The following ATP6V0E1 variants were observed in gnomAD, a reference collection of about 807,000 sequenced individuals.
ATP6V0E1 encodes the protein ATPase H+ transporting V0 subunit e1.
ATP6V0E1 carries 4 observed loss-of-function variants against 11.6 expected under a neutral mutation model. That is an observed-to-expected ratio of 0.35 (90% confidence interval 0.17 to 0.79). ATP6V0E1 has a LOEUF of 0.79. Ranked by LOEUF, ATP6V0E1 falls within the 30% of genes least tolerant of loss-of-function variation. ATP6V0E1 has a pLI of 0.54. For synonymous variants in ATP6V0E1, 36 were observed against 34.8 expected, an observed-to-expected ratio of 1.04 and a Z score of -0.13; for missense variants, 105 against 100.0, an observed-to-expected ratio of 1.05 and a Z score of -0.21.
chr5:172,992,433 C>T (rs1011136957), intron 1 of ATP6V0E1, among the ~76,000 whole-genome samples: 1 of 152,154 alleles, frequency 6.6e-6, no homozygotes, highest in Non-Finnish European at 1.5e-5. Context: ...TTTGACCTCA[C>T]CTTTCCCCAG....
intron 2 of ATP6V0E1, among the ~76,000 whole-genome samples, chr5:173,008,914 A>G (rs1296031021): frequency 1.4e-5 from 2 of 145,694 alleles, no homozygotes; most frequent in African/African-American, 5.1e-5. Flanking sequence ...CTGTCTCAAA[A>G]AAAAAAAAAA....
At chr5:173,013,574 CAAAAAAAAA>C (rs35084966) in intron 2 of ATP6V0E1, among the ~76,000 whole-genome samples, 3 of 61,638 alleles carry the variant, frequency 4.9e-5, no homozygotes, top group Non-Finnish European at 1.1e-4. Context: ...GACTCCATCT[CAAAAAAAAA>C]AAAAAAAAAA....
At chr5:172,985,177 A>G (rs538085429) in intron 1 of ATP6V0E1, among the ~76,000 whole-genome samples, 32 of 151,126 alleles carry the variant, frequency 2.1e-4, no homozygotes, top group East Asian at 7.8e-4. Context: ...CCCAGGAGGC[A>G]GAGCTTGCAG....
intron 2 of ATP6V0E1, among the ~76,000 whole-genome samples, chr5:172,997,657 A>G (rs1581626620): frequency 6.6e-6 from 1 of 151,838 alleles, no homozygotes; most frequent in East Asian, 1.9e-4. Flanking sequence ...AAAATACAAA[A>G]AAAAATTTAG....
chr5:173,026,736 T>C lies in ATP6V0E1; in HGVS notation c.*36+6369T>C, dbSNP rs192538687. On this transcript the variant is annotated intron_variant, in intron 3 of 3. Coordinates refer to ENST00000519374, the MANE Select transcript of ATP6V0E1 (RefSeq NM_003945.4). ...TACTGATAAAGCCACAGTGCCATCC[T>C]ATGCATATGCCATTTTCTGTTTTTG... 2.6e-5 allele frequency among the ~76,000 whole-genome samples: 4 copies of C among 152,336 alleles called. No homozygotes were observed. In the East Asian group the frequency reaches 5.8e-4, roughly 22 times the overall value.
intron 2 of ATP6V0E1, among the ~76,000 whole-genome samples, chr5:173,012,092 CCCG>C (rs1756334921): frequency 6.7e-6 from 1 of 149,310 alleles, no homozygotes; most frequent in African/African-American, 2.5e-5. Context: ...AGTGCAGTGG[CCCG>C]ATCTCAGCTC....
intron 2 of ATP6V0E1, among the ~76,000 whole-genome samples, chr5:173,007,244 G>A (rs1756243389): frequency 6.6e-6 from 1 of 152,052 alleles, no homozygotes; most frequent in Admixed American, 6.6e-5. Context: ...CAAAATGCTG[G>A]GATTACAAGC....
intron 2 of ATP6V0E1, among the ~76,000 whole-genome samples, chr5:172,997,521 G>A (rs55805117): frequency 6.6e-6 from 1 of 152,138 alleles, no homozygotes; most frequent in African/African-American, 2.4e-5. Flanking sequence ...AAAGACTAAA[G>A]GTCAGGGGCA....
chr5:173,022,188 G>A (rs1756496814), intron 3 of ATP6V0E1, among the ~76,000 whole-genome samples: 2 of 152,170 alleles, frequency 1.3e-5, no homozygotes, highest in South Asian at 4.1e-4. Flanking sequence ...TTGTTAAATG[G>A]AAGTTAGCTT....
intron 3 of ATP6V0E1, among the ~76,000 whole-genome samples, chr5:173,021,775 G>T (rs1013526840): frequency 1.3e-5 from 2 of 152,182 alleles, no homozygotes; most frequent in South Asian, 2.1e-4. Flanking sequence ...TTGGTCGTGC[G>T]CGGTGGCTCA....
chr5:173,005,160 GA>G (rs35638656), intron 2 of ATP6V0E1, among the ~76,000 whole-genome samples: 422 of 140,656 alleles, frequency 3.0e-3, no homozygotes, highest in Non-Finnish European at 3.4e-3. Flanking sequence ...CAGTTTCTAC[GA>G]AAAAAAAAAA....
intron 1 of ATP6V0E1, among the ~76,000 whole-genome samples, chr5:172,992,061 T>G (rs1755990842): frequency 6.6e-6 from 1 of 152,098 alleles, no homozygotes; most frequent in Non-Finnish European, 1.5e-5. Context: ...TTCTTTTTTA[T>G]TTTTTTTGAG....
intron 2 of ATP6V0E1, among the ~76,000 whole-genome samples, chr5:173,014,160 TAAAAAAA>T (rs757466248): frequency 3.5e-4 from 24 of 67,826 alleles, no homozygotes; most frequent in Non-Finnish European, 5.2e-4. Context: ...GACTCCATCT[TAAAAAAA>T]AAAAAAAAAA....
intron 2 of ATP6V0E1, among the ~76,000 whole-genome samples, chr5:173,004,195 A>G (rs929031723): frequency 6.6e-6 from 1 of 152,188 alleles, no homozygotes; most frequent in Non-Finnish European, 1.5e-5. Context: ...TGCCTGGGAA[A>G]GCATGGAGGG....
chr5:173,003,236 G>A (rs908272634), intron 2 of ATP6V0E1, among the ~76,000 whole-genome samples: 1 of 152,054 alleles, frequency 6.6e-6, no homozygotes, highest in Non-Finnish European at 1.5e-5. Context: ...GGTATTTGTG[G>A]CAACAAGTGG....
At chr5:173,008,323 C>CA (rs1421803912) in intron 2 of ATP6V0E1, among the ~76,000 whole-genome samples, 2 of 135,670 alleles carry the variant, frequency 1.5e-5, no homozygotes, top group Non-Finnish European at 3.1e-5. Flanking sequence ...TTTTTTGAGA[C>CA]AGAGTCTTGC....
At chr5:172,997,310 G>A (rs74460080) in intron 2 of ATP6V0E1, among the ~76,000 whole-genome samples, 2,583 of 152,130 alleles carry the variant, frequency 0.017, 27 homozygotes, top group Non-Finnish European at 0.028. Flanking sequence ...TTTGAAACAC[G>A]TAGAAAACAA....
At position 173,034,554 on chromosome 5, in the gene ATP6V0E1, C is replaced by A. The variant is rs902267362; in HGVS notation, c.*192C>A. 9 of 674,162 alleles carry A rather than the reference C, an allele frequency of 1.3e-5. No individual in the cohort carries two copies. In the African/African-American group the frequency reaches 1.6e-4, roughly 12 times the overall value. 41.8% of individuals were successfully genotyped at this position (674,162 alleles called of 1,614,324 possible). ...AGCGTGTTTTCCTTTGCCTTTTTTG[C>A]ACTTTGGTGAATTACGTGCCTCCAT... On this transcript the variant is annotated 3_prime_UTR_variant, in exon 4 of 4. Coordinates refer to ENST00000519374, the MANE Select transcript of ATP6V0E1 (RefSeq NM_003945.4).
chr5:173,024,245 G>A (rs939050900), intron 3 of ATP6V0E1, among the ~76,000 whole-genome samples: 4 of 151,088 alleles, frequency 2.6e-5, no homozygotes, highest in Non-Finnish European at 4.4e-5. Flanking sequence ...ACAAAAATAC[G>A]GGAAAAGCAG....
Sources: allele counts gnomAD v4.1 joint callset (sites outside exome capture counted in the v4.1 genomes callset), GRCh38; gene constraint gnomAD v4.1.1; transcripts MANE v1.5; gene names NCBI Gene and HGNC (gene_info 2026-07-23, HGNC 2026-07-21).